Variants in WDFY3 observed in about 807,000 individuals in gnomAD.
The protein encoded by WDFY3 is WD repeat and FYVE domain-containing protein 3.
A neutral mutation model predicts 409.6 loss-of-function variants in WDFY3; 66 were observed. That is an observed-to-expected ratio of 0.16 (90% CI 0.13 to 0.20). The LOEUF is 0.20. WDFY3 is among the 10% of genes least tolerant of loss of function. The pLI is 1.00. For synonymous variants in WDFY3, 1,521 were observed against 1,537.1 expected, an observed-to-expected ratio of 0.99 and a Z score of 0.25; for missense variants, 3,031 against 4,298.1, an observed-to-expected ratio of 0.71 and a Z score of 8.24.
intron 18 of WDFY3, among the ~76,000 whole-genome samples, chr4:84,797,679 C>T (rs1749714792): frequency 6.6e-6 from 1 of 151,960 alleles, no homozygotes; most frequent in East Asian, 1.9e-4. Context: ...CTCCCGGGTT[C>T]ACGCCATTCT....
At chr4:84,691,237 T>C (rs1241107794) in intron 60 of WDFY3, among the ~76,000 whole-genome samples, 1 of 152,174 alleles carries the variant, frequency 6.6e-6, no homozygotes, top group Admixed American at 6.5e-5. Flanking sequence ...ACAGGTTTTC[T>C]GCCAGCTTGT....
chr4:84,844,826 C>T (rs1415029687), intron 5 of WDFY3, among the ~76,000 whole-genome samples: 1 of 152,156 alleles, frequency 6.6e-6, no homozygotes, highest in Non-Finnish European at 1.5e-5. Flanking sequence ...AAGATACACC[C>T]TCTATACAAT....
At chr4:84,787,819 A>C in intron 22 of WDFY3, 106 bp from the exon 23 acceptor site, 2 of 1,002,868 alleles carry the variant, frequency 2.0e-6, no homozygotes, top group Non-Finnish European at 2.9e-6. Flanking sequence ...ACAACTTTAC[A>C]AATGCACAAA....
chr4:84,706,560 A>C (rs1391244851), intron 53 of WDFY3, among the ~76,000 whole-genome samples: 2 of 152,036 alleles, frequency 1.3e-5, no homozygotes, highest in African/African-American at 2.4e-5. Context: ...AAAAAAAAAA[A>C]AAAACCCAAC....
At chr4:84,808,056 C>T (rs1218690593) in intron 15 of WDFY3, among the ~76,000 whole-genome samples, 1 of 151,846 alleles carries the variant, frequency 6.6e-6, no homozygotes, top group Non-Finnish European at 1.5e-5. Context: ...CATGTTTTTT[C>T]TATAACAAAA....
rs1729489566 is a variant in WDFY3, at chr4:84,692,868, A to T, written c.9049+17T>A. The T allele has an allele frequency of 6.3e-7, 1 of 1,579,134 alleles. No individual in the cohort carries two copies. Among genetic ancestry groups the T allele is most frequent in the Non-Finnish European group, 8.6e-7 (1 of 1,168,726 alleles). ...CCATTAAATCATTAATCAAAAGTTT[A>T]TTTCTCATTATTTTACCTTTTACAG... On this transcript the variant is annotated intron_variant, in intron 59 of 67. Coordinates refer to ENST00000295888, the MANE Select transcript of WDFY3 (RefSeq NM_014991.6).
chr4:84,783,862 T>C (rs868852992), intron 24 of WDFY3, among the ~76,000 whole-genome samples: 1,729 of 140,940 alleles, frequency 0.012, 30 homozygotes, highest in African/African-American at 0.041. Context: ...GTGTCATACA[T>C]ACACACACAC....
intron 56 of WDFY3, among the ~76,000 whole-genome samples, chr4:84,700,935 C>A (rs1001168485): frequency 4.6e-5 from 7 of 152,064 alleles, no homozygotes; most frequent in African/African-American, 1.7e-4. Context: ...CATGGGGAAA[C>A]CCCGTCTCTA....
At chr4:84,681,347 T>C (rs1234556415) in intron 64 of WDFY3, among the ~76,000 whole-genome samples, 3 of 152,202 alleles carry the variant, frequency 2.0e-5, no homozygotes, top group Non-Finnish European at 4.4e-5. Flanking sequence ...GTTCCCTTAA[T>C]TCAATATCTG....
chr4:84,799,744 G>A (rs1003335810), intron 17 of WDFY3, among the ~76,000 whole-genome samples: 1 of 151,980 alleles, frequency 6.6e-6, no homozygotes, highest in South Asian at 2.1e-4. Context: ...AAACAAAAAA[G>A]GCTTACAAGT....
chr4:84,759,910 T>C (rs1386990779), intron 32 of WDFY3, among the ~76,000 whole-genome samples: 3 of 149,974 alleles, frequency 2.0e-5, no homozygotes, highest in Non-Finnish European at 4.5e-5. Context: ...TTCCAGTTTT[T>C]GCCCATTCAG....
chr4:84,740,817 T>G (rs2149224734), intron 38 of WDFY3, among the ~76,000 whole-genome samples: 1 of 152,310 alleles, frequency 6.6e-6, no homozygotes, highest in African/African-American at 2.4e-5. Flanking sequence ...TTTTTGACAT[T>G]CTAATTTCAT....
In WDFY3 at chr4:84,678,401, T is replaced by C; in HGVS notation, c.10148-122A>G. 3 of 662,312 alleles carry C rather than the reference T, an allele frequency of 4.5e-6. No homozygotes were observed. The South Asian group carries it at 5.8e-5, about 13-fold the overall frequency. The allele number at this position is 662,312 out of a possible 1,614,324, so 41.0% of individuals were successfully genotyped here. A position where few individuals can be genotyped will look rare whatever the true frequency, so the allele number is the denominator to read the frequency against. On this transcript the variant is annotated intron_variant, in intron 65 of 67. Coordinates refer to ENST00000295888, the MANE Select transcript of WDFY3 (RefSeq NM_014991.6). The stretch of plus-strand genomic sequence containing the variant: ...CTCAACATACAGCTACAGCAGCTTT[T>C]CCAGTTCTCGGCAGCTGCTGCCTTG...
chr4:84,677,978 A>AG (rs1726626294), intron 66 of WDFY3, among the ~76,000 whole-genome samples, 190 bp downstream of exon 66: 1 of 151,146 alleles, frequency 6.6e-6, no homozygotes, highest in African/African-American at 2.4e-5. Context: ...AAAAAAAAAA[A>AG]AAAAAAAAAG....
intron 3 of WDFY3, among the ~76,000 whole-genome samples, chr4:84,889,505 AT>A (rs1484491359): frequency 1.3e-5 from 2 of 152,216 alleles, no homozygotes; most frequent in Non-Finnish European, 2.9e-5. Flanking sequence ...ATTAAAAAAA[AT>A]TCTGGTTTGA....
At chr4:84,925,523 A>G (rs920920371) in intron 2 of WDFY3, among the ~76,000 whole-genome samples, 2 of 152,190 alleles carry the variant, frequency 1.3e-5, no homozygotes, top group African/African-American at 4.8e-5. Flanking sequence ...GAGAAACAGG[A>G]TAAGGGAAAC....
intron 50 of WDFY3, 57 bp downstream of exon 50, chr4:84,715,241 A>AT: frequency 1.1e-6 from 1 of 945,318 alleles, no homozygotes; most frequent in Non-Finnish European, 1.6e-6. Context: ...CTGAGAAAAG[A>AT]TTCCCCCTCC....
chr4:84,689,389 T>C (rs1728870168), intron 61 of WDFY3, among the ~76,000 whole-genome samples: 1 of 152,216 alleles, frequency 6.6e-6, no homozygotes, highest in Non-Finnish European at 1.5e-5. Context: ...TCCTGGCACA[T>C]TACTTTCAAA....
chr4:84,915,695 C>A (rs1263754511), intron 2 of WDFY3, among the ~76,000 whole-genome samples: 1 of 152,124 alleles, frequency 6.6e-6, no homozygotes. Flanking sequence ...TTTAAGCCAG[C>A]TTAAAAATGG....
Sources: allele counts gnomAD v4.1 joint callset (sites outside exome capture counted in the v4.1 genomes callset), GRCh38; gene constraint gnomAD v4.1.1; transcripts MANE v1.5; gene names NCBI Gene and HGNC (gene_info 2026-07-23, HGNC 2026-07-21).